CTNNA3: variants seen among roughly 807,000 people sequenced by gnomAD.
The protein encoded by CTNNA3 is catenin alpha-3.
CTNNA3 carries 76 observed loss-of-function variants against 95.7 expected under a neutral mutation model. The ratio of observed to expected loss-of-function variants is 0.79; its 90% confidence interval spans 0.66 to 0.96. The LOEUF (loss-of-function observed/expected upper bound fraction) is 0.96. Ranked by LOEUF, CTNNA3 falls within the 40% of genes least tolerant of loss-of-function variation. The pLI is 0.00. For missense variants in CTNNA3, 1,191 were observed against 1,089.8 expected (o/e 1.09, Z -1.31); for synonymous variants, 431 against 374.4 (o/e 1.15, Z -1.74).
intron 10 of CTNNA3, among the ~76,000 whole-genome samples, chr10:66,605,202 G>C (rs1279357093): frequency 6.6e-6 from 1 of 152,050 alleles, no homozygotes; most frequent in African/African-American, 2.4e-5. Context: ...GTTGAGGAAA[G>C]AATCTCAGAG....
At chr10:67,362,591 T>G (rs375837064) in intron 5 of CTNNA3, among the ~76,000 whole-genome samples, 19 of 151,200 alleles carry the variant, frequency 1.3e-4, no homozygotes, top group Middle Eastern at 3.4e-3. Flanking sequence ...TTAAAAAACC[T>G]AACGAGCATA....
intron 3 of CTNNA3, among the ~76,000 whole-genome samples, chr10:67,587,692 T>C (rs1842678901): frequency 1.3e-5 from 2 of 152,124 alleles, no homozygotes; most frequent in African/African-American, 4.8e-5. Context: ...GCAAAGTCCT[T>C]TTTGCATTGT....
At chr10:67,059,574 A>G (rs1376371455) in intron 7 of CTNNA3, among the ~76,000 whole-genome samples, 1 of 152,170 alleles carries the variant, frequency 6.6e-6, no homozygotes, top group African/African-American at 2.4e-5. Context: ...AAAATGACTG[A>G]GTCTTAAAGG....
chr10:67,156,931 C>T (rs369342858), intron 7 of CTNNA3, among the ~76,000 whole-genome samples: 3 of 152,024 alleles, frequency 2.0e-5, no homozygotes, highest in Non-Finnish European at 4.4e-5. Context: ...TCCTTCAGTT[C>T]TGTTAATATT....
intron 9 of CTNNA3, among the ~76,000 whole-genome samples, chr10:66,634,356 G>A (rs1363411182): frequency 6.6e-6 from 1 of 151,994 alleles, no homozygotes; most frequent in Non-Finnish European, 1.5e-5. Flanking sequence ...AGTTTTCATG[G>A]TCTCATATGC....
chr10:66,222,588 A>AAAAG (rs375468838), intron 13 of CTNNA3, among the ~76,000 whole-genome samples: 5 of 127,678 alleles, frequency 3.9e-5, no homozygotes, highest in African/African-American at 1.4e-4. Context: ...GAAGGAAAGA[A>AAAAG]AAAGAAAGAA....
rs554450035 is a variant in CTNNA3, at chr10:67,620,496, T to G, written c.100-13447A>C. On this transcript the variant is annotated intron_variant, in intron 2 of 17. Transcript: ENST00000433211. Reference sequence around the variant, plus strand: ...TACCAAAAGGGACTGTTTATATTGTTGAATCACATCAGTTTACCATCTTAT... The same window carrying G: ...TACCAAAAGGGACTGTTTATATTGTGGAATCACATCAGTTTACCATCTTAT... Among the ~76,000 whole-genome samples the G allele has an allele frequency of 2.9e-4, 44 of 152,330 alleles. No homozygotes were observed. In the South Asian group the frequency reaches 8.7e-3, roughly 30 times the overall value.
chr10:67,268,440 G>C (rs1035241588), intron 5 of CTNNA3, among the ~76,000 whole-genome samples: 1 of 152,026 alleles, frequency 6.6e-6, no homozygotes, highest in African/African-American at 2.4e-5. Flanking sequence ...AGGATTGCAT[G>C]AGCCCAGGAG....
At chr10:67,417,892 C>A (rs901738979) in intron 5 of CTNNA3, among the ~76,000 whole-genome samples, 4 of 152,068 alleles carry the variant, frequency 2.6e-5, no homozygotes, top group African/African-American at 9.7e-5. Flanking sequence ...TATGTCCACA[C>A]AAAACTTTTA....
intron 9 of CTNNA3, among the ~76,000 whole-genome samples, chr10:66,665,656 A>C (rs1846425327): frequency 1.3e-5 from 2 of 152,298 alleles, no homozygotes; most frequent in South Asian, 4.1e-4. Flanking sequence ...CAGTAAGGCC[A>C]CATTTGTCCA....
intron 15 of CTNNA3, among the ~76,000 whole-genome samples, chr10:66,042,147 G>T (rs553883394): frequency 6.6e-6 from 1 of 152,168 alleles, no homozygotes; most frequent in East Asian, 1.9e-4. Context: ...CACCTCCTCC[G>T]TCAATTCTTA....
intron 17 of CTNNA3, among the ~76,000 whole-genome samples, chr10:65,948,373 A>G (rs1021617533): frequency 2.0e-5 from 3 of 152,124 alleles, no homozygotes; most frequent in African/African-American, 7.2e-5. Context: ...TGTCTACACA[A>G]TGTATGAATA....
chr10:67,389,523 A>G (rs1844361764), intron 5 of CTNNA3, among the ~76,000 whole-genome samples: 1 of 152,086 alleles, frequency 6.6e-6, no homozygotes, highest in African/African-American at 2.4e-5. Flanking sequence ...CAACAAGGAT[A>G]CCCAGGAATT....
intron 5 of CTNNA3, among the ~76,000 whole-genome samples, chr10:67,275,120 G>A (rs183995833): frequency 6.6e-6 from 1 of 152,256 alleles, no homozygotes; most frequent in East Asian, 1.9e-4. Context: ...CAACGCATAT[G>A]GTCCTTGCTA....
At chr10:67,157,901 T>C (rs903742711) in intron 7 of CTNNA3, among the ~76,000 whole-genome samples, 40 of 152,156 alleles carry the variant, frequency 2.6e-4, no homozygotes, top group African/African-American at 9.7e-4. Flanking sequence ...ACTCATTCTG[T>C]AGGAGGACTT....
intron 14 of CTNNA3, among the ~76,000 whole-genome samples, chr10:66,080,570 C>A (rs1159074383): frequency 6.6e-6 from 1 of 152,192 alleles, no homozygotes; most frequent in Non-Finnish European, 1.5e-5. Context: ...CATCAACAAC[C>A]AAAGCCAAAA....
intron 12 of CTNNA3, among the ~76,000 whole-genome samples, chr10:66,365,184 A>G (rs929001572): frequency 6.6e-5 from 10 of 152,168 alleles, no homozygotes; most frequent in Admixed American, 6.5e-5. Flanking sequence ...GCACATATAC[A>G]CCATGGAATA....
At chr10:67,632,312 T>TTAA (rs551582053) in intron 2 of CTNNA3, among the ~76,000 whole-genome samples, 17,986 of 144,228 alleles carry the variant, frequency 0.12, 1,842 homozygotes, top group African/African-American at 0.28. Context: ...TTAAATATAT[T>TTAA]AAAAAAAAAA....
At chr10:67,118,280 T>G (rs1859287074) in intron 7 of CTNNA3, among the ~76,000 whole-genome samples, 1 of 151,984 alleles carries the variant, frequency 6.6e-6, no homozygotes, top group Non-Finnish European at 1.5e-5. Context: ...CCAAACCACA[T>G]GCTAGGATTA....
Sources: gnomAD v4.1 joint callset for allele counts (sites outside exome capture counted in the v4.1 genomes callset) on GRCh38, gnomAD v4.1.1 for gene constraint, MANE v1.5 for transcripts, NCBI Gene and HGNC (gene_info 2026-07-23, HGNC 2026-07-21) for gene names.